FOXP1: variants seen among roughly 807,000 people sequenced by gnomAD.
FOXP1 encodes the protein forkhead box protein P1.
FOXP1 carries 15 observed loss-of-function variants against 98.2 expected under a neutral mutation model. That is an observed-to-expected ratio of 0.15 (90% CI 0.10 to 0.24). The LOEUF is 0.24. FOXP1 is among the 10% of genes least tolerant of loss of function. The probability of loss-of-function intolerance (pLI) is 1.00; values close to 1 mark genes in which losing one functional copy is unlikely to be tolerated. For synonymous variants in FOXP1, 371 were observed against 314.5 expected (o/e 1.18, Z -1.90); for missense variants, 633 against 848.5 (o/e 0.75, Z 3.15).
intron 7 of FOXP1, among the ~76,000 whole-genome samples, chr3:71,054,862 G>A (rs1025506269): frequency 6.6e-6 from 1 of 152,024 alleles, no homozygotes; most frequent in African/African-American, 2.4e-5. Flanking sequence ...ACATGTGACA[G>A]CAAGAAGCTA....
At chr3:71,539,323 G>A (rs1215434221) in intron 2 of FOXP1, among the ~76,000 whole-genome samples, 24 of 141,300 alleles carry the variant, frequency 1.7e-4, no homozygotes, top group African/African-American at 4.6e-4. Flanking sequence ...GGGTTTCACC[G>A]TGTTAGCCAG....
rs1305592943 is a variant in FOXP1, at chr3:70,976,927, C to T, written c.1530+14G>A. Reference sequence around the variant, plus strand: ...CGTCAAGATCCAAGAATAAACAGGCCTGAGAAAGCTTACCTTCCACGTGGC... The same window carrying T: ...CGTCAAGATCCAAGAATAAACAGGCTTGAGAAAGCTTACCTTCCACGTGGC... On this transcript the variant is annotated intron_variant, in intron 17 of 20. Transcript: ENST00000649528. 8 of 1,595,056 alleles carry T rather than the reference C, an allele frequency of 5.0e-6. No individual in the cohort carries two copies. The highest frequency in any genetic ancestry group is 6.9e-6 in the Non-Finnish European group (8 of 1,162,682).
intron 2 of FOXP1, among the ~76,000 whole-genome samples, chr3:71,549,826 T>C (rs1276079880): frequency 2.4e-5 from 3 of 123,834 alleles, no homozygotes; most frequent in Non-Finnish European, 4.8e-5. Context: ...GAAGAAATGG[T>C]AAATTATATT....
rs76459596 is a variant in FOXP1 at position 71,452,405 on chromosome 3, G to A, written c.-168+41021C>T. Among the ~76,000 whole-genome samples, 10 of 152,234 alleles carry A rather than the reference G, an allele frequency of 6.6e-5. No homozygotes were observed. The East Asian group carries it at 1.7e-3, about 26-fold the overall frequency. On this transcript the variant is annotated intron_variant, in intron 3 of 20. Transcript: ENST00000649528. ...CAACCTAGAAAACCAGGTGATTCAC[G>A]TACAATGATACCTTATTTTCTAATG...
chr3:71,431,930 G>A (rs2084755360), intron 3 of FOXP1, among the ~76,000 whole-genome samples: 1 of 152,170 alleles, frequency 6.6e-6, no homozygotes, highest in Non-Finnish European at 1.5e-5. Flanking sequence ...CATCATATGT[G>A]CAATTCCTGT....
At chr3:71,132,181 T>C (rs1015222177) in intron 6 of FOXP1, among the ~76,000 whole-genome samples, 1 of 152,224 alleles carries the variant, frequency 6.6e-6, no homozygotes, top group African/African-American at 2.4e-5. Flanking sequence ...CTGGGCGCCA[T>C]GAAAGTGGGC....
intron 7 of FOXP1, among the ~76,000 whole-genome samples, chr3:71,091,577 A>C (rs778751785): frequency 1.3e-5 from 2 of 152,178 alleles, no homozygotes; most frequent in Admixed American, 6.5e-5. Context: ...ATGGTAAATG[A>C]TGGTTTTTAG....
intron 4 of FOXP1, among the ~76,000 whole-genome samples, chr3:71,312,490 C>T (rs2074762177): frequency 6.6e-6 from 1 of 152,182 alleles, no homozygotes; most frequent in South Asian, 2.1e-4. Context: ...TCCTAAAATG[C>T]CTCTCCTTCC....
chr3:71,071,942 C>T (rs2107438493), intron 7 of FOXP1, among the ~76,000 whole-genome samples: 1 of 152,286 alleles, frequency 6.6e-6, no homozygotes, highest in East Asian at 1.9e-4. Flanking sequence ...ATCCTTACAC[C>T]TATCATGTAC....
intron 6 of FOXP1, among the ~76,000 whole-genome samples, chr3:71,170,012 A>G (rs2061572102): frequency 6.6e-6 from 1 of 152,214 alleles, no homozygotes; most frequent in South Asian, 2.1e-4. Context: ...CCCATTTCCA[A>G]TACTTAAACT....
rs1017333112 is a variant in FOXP1, at chr3:71,010,009, G to A, written c.974+5540C>T. Among the ~76,000 whole-genome samples the A allele has an allele frequency of 6.0e-5, 9 of 149,716 alleles. 1 individual carries two copies. The highest frequency in any genetic ancestry group is 2.2e-4 in the African/African-American group (9 of 40,504). ...GGCCTCAAGAAATCCTTCCACCTTA[G>A]CCTCCAAATGCATTGGGATTACAGG... On this transcript the variant is annotated intron_variant, in intron 12 of 20. Transcript: ENST00000649528.
chr3:71,544,014 TAC>T (rs2045128209), intron 2 of FOXP1, among the ~76,000 whole-genome samples: 4 of 75,106 alleles, frequency 5.3e-5, no homozygotes, highest in Non-Finnish European at 8.2e-5. Flanking sequence ...TATGTGTGTA[TAC>T]ACACATATAC....
intron 4 of FOXP1, among the ~76,000 whole-genome samples, chr3:71,327,518 G>A (rs1166780785): frequency 1.3e-5 from 2 of 148,746 alleles, no homozygotes; most frequent in African/African-American, 5.0e-5. Flanking sequence ...CTCCCGAGTA[G>A]CTGGGACTAC....
chr3:71,399,219 C>T (rs1206401327), intron 3 of FOXP1, among the ~76,000 whole-genome samples: 2 of 151,778 alleles, frequency 1.3e-5, no homozygotes, highest in African/African-American at 2.4e-5. Flanking sequence ...CAGGTATGTA[C>T]ATAGGTTTAG....
chr3:71,367,982 G>A (rs1350521840), intron 3 of FOXP1, among the ~76,000 whole-genome samples: 3 of 152,162 alleles, frequency 2.0e-5, no homozygotes, highest in African/African-American at 7.2e-5. Context: ...GGATTCAAAC[G>A]TGTTCACCAC....
chr3:70,986,246 G>A lies in FOXP1; in HGVS notation c.1146+1748C>T, dbSNP rs895702640. Among the ~76,000 whole-genome samples the A allele has an allele frequency of 1.9e-4, 29 of 152,274 alleles. 1 individual carries two copies. Among genetic ancestry groups the A allele is most frequent in the African/African-American group, 6.7e-4 (28 of 41,536 alleles). ...AATGGTCCTTTTGTGGCCCACAGGG[G>A]CTTACACACATGGTGCTCTCTGCCA... is the stretch of plus-strand genomic sequence containing the variant. On this transcript the variant is annotated intron_variant, in intron 14 of 20. Transcript: ENST00000649528.
chr3:70,959,857 C>A (rs1044661110), intron 20 of FOXP1, among the ~76,000 whole-genome samples: 22 of 152,144 alleles, frequency 1.4e-4, no homozygotes, highest in African/African-American at 3.6e-4. Context: ...CTCTAACAAG[C>A]CCCCAAGTGA....
chr3:71,304,832 C>T (rs1366986201), intron 4 of FOXP1: 1 of 121,124 alleles, frequency 8.3e-6, no homozygotes, highest in Non-Finnish European at 2.0e-5. Flanking sequence ...TAAATTCTCA[C>T]AGTTTCCAAC....
chr3:71,373,882 G>T (rs2079521737), intron 3 of FOXP1, among the ~76,000 whole-genome samples: 1 of 152,196 alleles, frequency 6.6e-6, no homozygotes, highest in African/African-American at 2.4e-5. Flanking sequence ...CAAAGGTGTG[G>T]AGTGGCTATA....
Sources: gnomAD v4.1 joint callset for allele counts (sites outside exome capture counted in the v4.1 genomes callset) on GRCh38, gnomAD v4.1.1 for gene constraint, MANE v1.5 for transcripts, NCBI Gene and HGNC (gene_info 2026-07-23, HGNC 2026-07-21) for gene names.